EPB41L2: variants seen among roughly 807,000 people sequenced by gnomAD.
The protein encoded by EPB41L2 is erythrocyte membrane protein band 4.1 like 2, also known as band 4.1-like protein 2.
EPB41L2 carries 43 observed loss-of-function variants against 113.0 expected under a neutral mutation model. The observed-to-expected ratio is 0.38, with a 90% CI of 0.30 to 0.49. The LOEUF (loss-of-function observed/expected upper bound fraction) is 0.49, where lower values mean the gene tolerates loss of function less well. EPB41L2 is among the 20% of genes least tolerant of loss of function. The pLI, the probability that EPB41L2 is intolerant of heterozygous loss-of-function variation, is 0.95. For missense variants in EPB41L2, 1,147 were observed against 1,223.4 expected, an observed-to-expected ratio of 0.94 and a Z score of 0.93; for synonymous variants, 442 against 436.7, an observed-to-expected ratio of 1.01 and a Z score of -0.15.
At chr6:130,862,770 T>C (rs187561105) in intron 18 of EPB41L2, among the ~76,000 whole-genome samples, 2 of 152,350 alleles carry the variant, frequency 1.3e-5, no homozygotes, top group East Asian at 3.9e-4. Context: ...TGATCACATA[T>C]AGGCTGCCTT....
rs146101399 is a variant in EPB41L2 at position 130,873,465 on chromosome 6, G to GTTTT, written c.2044-3340_2044-3339insAAAA. 1.8e-4 allele frequency among the ~76,000 whole-genome samples: 27 copies of GTTTT among 146,154 alleles called. 5 individuals are homozygous for GTTTT. Among genetic ancestry groups the GTTTT allele is most frequent in the African/African-American group, 2.0e-4 (8 of 39,364 alleles). On this transcript the variant is annotated intron_variant, in intron 14 of 19. Transcript: ENST00000337057. ...AATTCCTAATAAACCCCACTATTCA[G>GTTTT]GTTTTTTTTTTTTTTTGAGACGGAG... is the stretch of plus-strand genomic sequence containing the variant.
chr6:131,046,969 T>G (rs556901790), intron 1 of EPB41L2, among the ~76,000 whole-genome samples: 13 of 152,232 alleles, frequency 8.5e-5, no homozygotes, highest in African/African-American at 3.1e-4. Flanking sequence ...TTACATATTC[T>G]TAGGGATAAT....
At chr6:130,975,989 T>C (rs371511164) in intron 1 of EPB41L2, among the ~76,000 whole-genome samples, 1 of 152,076 alleles carries the variant, frequency 6.6e-6, no homozygotes, top group Non-Finnish European at 1.5e-5. Context: ...GATTGCACCA[T>C]TGCACTCCAG....
chr6:130,854,964 G>A (rs1779772119), intron 19 of EPB41L2, among the ~76,000 whole-genome samples: 1 of 152,148 alleles, frequency 6.6e-6, no homozygotes, highest in African/African-American at 2.4e-5. Flanking sequence ...CTTGAACCGA[G>A]GAGGCAGAGG....
intron 1 of EPB41L2, among the ~76,000 whole-genome samples, chr6:130,966,857 G>A (rs1470061186): frequency 6.6e-6 from 1 of 152,140 alleles, no homozygotes; most frequent in Non-Finnish European, 1.5e-5. Context: ...CTCCAGCTCA[G>A]CAGTAGCATT....
At chr6:130,926,924 G>A (rs1389652445) in intron 3 of EPB41L2, among the ~76,000 whole-genome samples, 1 of 152,114 alleles carries the variant, frequency 6.6e-6, no homozygotes, top group Non-Finnish European at 1.5e-5. Flanking sequence ...AAAAGCATAA[G>A]CAAGCACCGT....
chr6:130,944,162 TACACACACATACACACACAC>T (rs1457123202), intron 3 of EPB41L2, among the ~76,000 whole-genome samples: 4 of 132,996 alleles, frequency 3.0e-5, no homozygotes, highest in African/African-American at 5.5e-5. Context: ...TATACGTACA[TACACACACATACACACACAC>T]ACACACACAC....
At chr6:131,057,763 C>T (rs114982288) in intron 1 of EPB41L2, among the ~76,000 whole-genome samples, 1,624 of 152,232 alleles carry the variant, frequency 0.011, 39 homozygotes, top group African/African-American at 0.036. Flanking sequence ...GATGGTGAGG[C>T]CCTAAGAGCA....
chr6:130,938,353 G>A (rs1444654518), intron 3 of EPB41L2, among the ~76,000 whole-genome samples: 3 of 152,176 alleles, frequency 2.0e-5, no homozygotes, highest in African/African-American at 7.2e-5. Flanking sequence ...ATTCCTGGTG[G>A]ATGACTAACA....
intron 15 of EPB41L2, chr6:130,867,966 ACACACACTCT>A (rs1562338091): frequency 1.9e-5 from 3 of 157,988 alleles, no homozygotes; most frequent in South Asian, 2.6e-4. Flanking sequence ...ACACACACAC[ACACACACTCT>A]CTCTCTCTCT....
chr6:131,059,769 T>G (rs746358008), intron 1 of EPB41L2, among the ~76,000 whole-genome samples: 9 of 152,202 alleles, frequency 5.9e-5, no homozygotes, highest in Non-Finnish European at 1.2e-4. Context: ...GAATTAGGGT[T>G]TGGCTATTAT....
At chr6:130,859,751 CA>C (rs5880039) in intron 18 of EPB41L2, among the ~76,000 whole-genome samples, 2,063 of 131,602 alleles carry the variant, frequency 0.016, 40 homozygotes, top group African/African-American at 0.048. Flanking sequence ...GTAAAGCTAC[CA>C]AAAAAAAAAA....
intron 14 of EPB41L2, chr6:130,872,678 CAG>C (rs1199461368): frequency 1.9e-6 from 1 of 539,032 alleles, no homozygotes; most frequent in Non-Finnish European, 2.7e-6. Context: ...AGAATTCTGA[CAG>C]ATTCTGGAGC....
At chr6:130,986,579 AT>A (rs1780604461) in intron 1 of EPB41L2, among the ~76,000 whole-genome samples, 1 of 150,214 alleles carries the variant, frequency 6.7e-6, no homozygotes, top group African/African-American at 2.5e-5. Context: ...GAGGTATAGG[AT>A]TTTTTTCTTT....
At chr6:130,943,092 A>C (rs955951667) in intron 3 of EPB41L2, among the ~76,000 whole-genome samples, 3 of 152,174 alleles carry the variant, frequency 2.0e-5, no homozygotes, top group African/African-American at 7.2e-5. Context: ...AATGATTGAT[A>C]ATCCTTTGGG....
chr6:131,039,163 A>G (rs1793943566), intron 1 of EPB41L2, among the ~76,000 whole-genome samples: 2 of 152,248 alleles, frequency 1.3e-5, no homozygotes, highest in African/African-American at 4.8e-5. Flanking sequence ...ACAGCAGCTT[A>G]TTGATCCAGC....
chr6:131,015,429 GAAC>G (rs1787976131), intron 1 of EPB41L2: 2 of 152,116 alleles, frequency 1.3e-5, no homozygotes, highest in Admixed American at 6.5e-5. Flanking sequence ...AACAACAACA[GAAC>G]AACTAGGCCA....
rs560502444 is a variant in EPB41L2, at chr6:130,869,661, C to A, written c.2509G>T (p.Asp837Tyr). Residue 837 changes from aspartate to tyrosine, a missense_variant, in exon 15 of 20, where the codon GAC becomes TAC. Coordinates refer to ENST00000337057, the MANE Select transcript of EPB41L2 (RefSeq NM_001431.4). The stretch of plus-strand genomic sequence containing the variant: ...TCTTCCTCTGCTTCTTCTCCCATGT[C>A]TTGCTTAAGAGCGCCTTCGTGTACA... ...KSVHEGALKQ[D>Y]MGEEAEEEPQ... The A allele has an allele frequency of 2.4e-4, 384 of 1,614,182 alleles. 2 individuals carry two copies. The highest frequency in any genetic ancestry group is 1.4e-3 in the South Asian group (128 of 91,078).
intron 1 of EPB41L2, among the ~76,000 whole-genome samples, chr6:130,975,346 C>T (rs1480853657): frequency 6.6e-6 from 1 of 152,180 alleles, no homozygotes; most frequent in African/African-American, 2.4e-5. Flanking sequence ...AGGAGGGGAA[C>T]ACTTTCCCTA....
Sources: allele counts gnomAD v4.1 joint callset (sites outside exome capture counted in the v4.1 genomes callset), GRCh38; gene constraint gnomAD v4.1.1; transcripts MANE v1.5; gene names NCBI Gene and HGNC (gene_info 2026-07-23, HGNC 2026-07-21).